ARHGAP15: variants seen among roughly 807,000 people sequenced by gnomAD.
The protein encoded by ARHGAP15 is rho GTPase-activating protein 15.
ARHGAP15 carries 51 observed loss-of-function variants against 63.7 expected under a neutral mutation model. The ratio of observed to expected loss-of-function variants is 0.80; its 90% CI spans 0.64 to 1.01. The LOEUF (loss-of-function observed/expected upper bound fraction) is 1.01, where lower values mean the gene tolerates loss of function less well. ARHGAP15 is among the 50% of genes least tolerant of loss of function. ARHGAP15 has a pLI of 0.00. For missense variants in ARHGAP15, 560 were observed against 564.6 expected (o/e 0.99, Z 0.08); for synonymous variants, 191 against 193.8 (o/e 0.99, Z 0.12).
chr2:143,655,257 C>T (rs1417549469), intron 12 of ARHGAP15, among the ~76,000 whole-genome samples: 2 of 152,126 alleles, frequency 1.3e-5, no homozygotes, highest in South Asian at 2.1e-4. Flanking sequence ...TTCTATCCCT[C>T]GACCCCCTCC....
intron 2 of ARHGAP15, among the ~76,000 whole-genome samples, chr2:143,165,944 A>AAGAG: frequency 8.5e-6 from 1 of 118,098 alleles, no homozygotes; most frequent in South Asian, 2.8e-4. Context: ...AAAAGAAAAG[A>AAGAG]AGAAAGAAAG....
chr2:143,211,592 T>C (rs998099730), intron 3 of ARHGAP15, among the ~76,000 whole-genome samples: 3 of 152,118 alleles, frequency 2.0e-5, no homozygotes, highest in Admixed American at 6.6e-5. Flanking sequence ...GTTGTAGTTA[T>C]AGAGAGATGA....
intron 1 of ARHGAP15, among the ~76,000 whole-genome samples, chr2:143,133,408 C>T (rs571002932): frequency 2.6e-5 from 4 of 152,146 alleles, no homozygotes; most frequent in Non-Finnish European, 2.9e-5. Context: ...AGGGGAGATA[C>T]GTAATTGGAT....
intron 1 of ARHGAP15, among the ~76,000 whole-genome samples, chr2:143,133,688 G>A (rs1688998303): frequency 6.6e-6 from 1 of 152,022 alleles, no homozygotes; most frequent in Admixed American, 6.5e-5. Flanking sequence ...TAGTGAGATG[G>A]TTCAAAATCA....
chr2:143,155,768 AC>A, intron 2 of ARHGAP15, 113 bp downstream of exon 2: 2 of 1,138,348 alleles, frequency 1.8e-6, no homozygotes, highest in Non-Finnish European at 2.4e-6. Context: ...GCATGAGAAA[AC>A]TGTTTTTGTA....
At chr2:143,286,483 C>A (rs751905198) in intron 6 of ARHGAP15, among the ~76,000 whole-genome samples, 2 of 152,186 alleles carry the variant, frequency 1.3e-5, no homozygotes, top group Non-Finnish European at 2.9e-5. Flanking sequence ...CTAAGCATAG[C>A]ATAACTCGAA....
chr2:143,479,393 TCTC>T (rs1225782304), intron 8 of ARHGAP15, among the ~76,000 whole-genome samples: 2 of 151,974 alleles, frequency 1.3e-5, no homozygotes, highest in African/African-American at 4.8e-5. Context: ...TTAAGGCTCT[TCTC>T]ATTTGATTTG....
intron 13 of ARHGAP15, among the ~76,000 whole-genome samples, chr2:143,719,340 G>C (rs1158300690): frequency 6.6e-6 from 1 of 152,092 alleles, no homozygotes; most frequent in African/African-American, 2.4e-5. Context: ...ATATGTTGTT[G>C]GGCATTAAAA....
intron 2 of ARHGAP15, among the ~76,000 whole-genome samples, chr2:143,158,350 C>T (rs976762335): frequency 6.6e-6 from 1 of 151,716 alleles, no homozygotes; most frequent in African/African-American, 2.4e-5. Flanking sequence ...TATGAAATGC[C>T]AATATAAACA....
At chr2:143,501,787 C>T (rs1406890374) in intron 9 of ARHGAP15, among the ~76,000 whole-genome samples, 1 of 152,192 alleles carries the variant, frequency 6.6e-6, no homozygotes, top group African/African-American at 2.4e-5. Flanking sequence ...GTGATATGGA[C>T]AAAGTATTCC....
intron 1 of ARHGAP15, among the ~76,000 whole-genome samples, chr2:143,138,304 A>C (rs995266802): frequency 3.9e-5 from 6 of 152,064 alleles, no homozygotes; most frequent in Non-Finnish European, 8.8e-5. Flanking sequence ...AAATTTACAA[A>C]GCTTCTCGGT....
intron 11 of ARHGAP15, among the ~76,000 whole-genome samples, chr2:143,567,126 C>T (rs1345128036): frequency 1.3e-5 from 2 of 152,094 alleles, no homozygotes; most frequent in African/African-American, 2.4e-5. Context: ...CTGCCCCCCT[C>T]GGCCTCCCAA....
At chr2:143,529,099 C>T (rs10209898) in intron 10 of ARHGAP15, among the ~76,000 whole-genome samples, 105,224 of 151,834 alleles carry the variant, frequency 0.69, 37,587 homozygotes, top group Admixed American at 0.79. Context: ...TCTTGAATTT[C>T]CCTCTGTCTC....
At chr2:143,703,646 C>G in intron 13 of ARHGAP15, 122 bp downstream of exon 13, 1 of 696,910 alleles carries the variant, frequency 1.4e-6, no homozygotes, top group Non-Finnish European at 2.3e-6. Context: ...TCCCTTGTAG[C>G]TGAACTAGGT....
In ARHGAP15 at chr2:143,408,019, A is replaced by ATATATATATG. The variant is rs1558950707; in HGVS notation, c.475-27573_475-27572insGTATATATAT. 1.1e-4 allele frequency among the ~76,000 whole-genome samples: 11 copies of ATATATATATG among 99,252 alleles called. 1 individual carries two copies. Among genetic ancestry groups the ATATATATATG allele is most frequent in the Non-Finnish European group, 1.8e-4 (9 of 49,756 alleles). The allele number at this position is 99,252 out of a possible 152,430, so 65.1% of individuals were successfully genotyped here. A position where few individuals can be genotyped will look rare whatever the true frequency, so the allele number is the denominator to read the frequency against. On this transcript the variant is annotated intron_variant, in intron 6 of 13. Coordinates refer to ENST00000295095, the MANE Select transcript of ARHGAP15 (RefSeq NM_018460.4). Reference sequence around the variant, plus strand: ...TATATATATATATATATATATATATATATATATATATATCCTTTTTCCTCT... The same window carrying ATATATATATG: ...TATATATATATATATATATATATATATATATATATGTATATATATATATCCTTTTTCCTCT...
At chr2:143,680,529 C>T (rs1683053330) in intron 12 of ARHGAP15, among the ~76,000 whole-genome samples, 1 of 152,182 alleles carries the variant, frequency 6.6e-6, no homozygotes. Context: ...TGGGGAGATA[C>T]CCAGTGTTCA....
At chr2:143,147,079 A>G (rs537352353) in intron 1 of ARHGAP15, among the ~76,000 whole-genome samples, 31 of 152,218 alleles carry the variant, frequency 2.0e-4, no homozygotes, top group Non-Finnish European at 1.5e-5. Context: ...CGACTGGGTC[A>G]AGCACTTTAA....
At chr2:143,673,605 A>ATCT (rs940338429) in intron 12 of ARHGAP15, among the ~76,000 whole-genome samples, 4 of 150,980 alleles carry the variant, frequency 2.6e-5, no homozygotes, top group African/African-American at 9.7e-5. Context: ...GCCTACCACA[A>ATCT]TCTTAATGTA....
chr2:143,576,449 A>G (rs549181090), intron 11 of ARHGAP15, among the ~76,000 whole-genome samples: 3 of 152,152 alleles, frequency 2.0e-5, no homozygotes, highest in African/African-American at 7.2e-5. Flanking sequence ...TATGGCACAG[A>G]TATTATTTAA....
Sources: gnomAD v4.1 joint callset for allele counts (sites outside exome capture counted in the v4.1 genomes callset) on GRCh38, gnomAD v4.1.1 for gene constraint, MANE v1.5 for transcripts, NCBI Gene and HGNC (gene_info 2026-07-23, HGNC 2026-07-21) for gene names.